The following CCDC191 variants were observed in gnomAD, a reference collection of about 807,000 sequenced individuals.
CCDC191 encodes coiled-coil domain-containing protein 191.
Under a neutral mutation model 114.0 loss-of-function variants are expected in CCDC191, and 99 were observed. The ratio of observed to expected loss-of-function variants is 0.87; its 90% confidence interval spans 0.74 to 1.03. The LOEUF (loss-of-function observed/expected upper bound fraction) is 1.03, where lower values mean the gene tolerates loss of function less well. CCDC191 is among the 50% of genes least tolerant of loss of function. CCDC191 has a pLI of 0.00. For missense variants in CCDC191, 973 were observed against 1,087.0 expected, an observed-to-expected ratio of 0.90 and a Z score of 1.47; for synonymous variants, 351 against 376.0, an observed-to-expected ratio of 0.93 and a Z score of 0.77.
intron 6 of CCDC191, among the ~76,000 whole-genome samples, chr3:114,033,077 T>C (rs1349412824): frequency 1.3e-5 from 2 of 149,604 alleles, no homozygotes; most frequent in Non-Finnish European, 2.9e-5. Context: ...ATAAAAGTCA[T>C]CCATATTTCT....
Position 114,046,585 on chromosome 3 carries a change from T to C in CCDC191, c.271+6A>G, listed in dbSNP as rs1159264299. 1 of 1,520,370 alleles carries C rather than the reference T, an allele frequency of 6.6e-7. No homozygotes were observed. The highest frequency in any genetic ancestry group is 1.7e-5 in the Admixed American group (1 of 59,800). The allele number at this position is 1,520,370 out of a possible 1,614,324, so 94.2% of individuals were successfully genotyped here. On this transcript the variant is annotated splice_donor_region_variant and intron_variant, in intron 3 of 16. Transcript: ENST00000295878. ...TAACATCGCAGCAGAAAATGCATTC[T>C]CTTACCTTCTGCATAGATTTCATCA...
chr3:114,003,200 T>C (rs1011851688), intron 11 of CCDC191: 4 of 985,266 alleles, frequency 4.1e-6, no homozygotes, highest in African/African-American at 1.7e-5. Flanking sequence ...ATGTGCAAGA[T>C]GGTCTGATAA....
intron 16 of CCDC191, among the ~76,000 whole-genome samples, chr3:113,977,739 G>T (rs2074979453): frequency 2.0e-5 from 3 of 152,202 alleles, no homozygotes; most frequent in African/African-American, 4.8e-5. Flanking sequence ...CTCAGTGGTG[G>T]TAACAAAGGG....
chr3:113,993,222 A>G (rs901405311), intron 13 of CCDC191, among the ~76,000 whole-genome samples: 6 of 152,168 alleles, frequency 3.9e-5, no homozygotes, highest in Non-Finnish European at 8.8e-5. Flanking sequence ...ACTTGAGCCC[A>G]GGAGTTTGAG....
At chr3:114,047,000 A>G in intron 2 of CCDC191, 1 of 960,668 alleles carries the variant, frequency 1.0e-6, no homozygotes, top group Non-Finnish European at 1.2e-6. Context: ...TAAGATTTAG[A>G]TAACTTTTGT....
At chr3:113,996,801 C>T (rs2075733365) in intron 13 of CCDC191, among the ~76,000 whole-genome samples, 2 of 138,156 alleles carry the variant, frequency 1.4e-5, no homozygotes, top group African/African-American at 2.7e-5. Context: ...TGTTCTCACT[C>T]ATAAGTGGGA....
At chr3:114,001,382 G>A (rs956413596) in intron 13 of CCDC191, among the ~76,000 whole-genome samples, 1 of 152,144 alleles carries the variant, frequency 6.6e-6, no homozygotes, top group African/African-American at 2.4e-5. Context: ...GAGGAGGGTG[G>A]GCAGGGCAGG....
rs148751879 is a variant in CCDC191, at chr3:114,055,412, C to A, written c.90+965G>T. On this transcript the variant is annotated intron_variant, in intron 1 of 16. Coordinates refer to ENST00000295878, the MANE Select transcript of CCDC191 (RefSeq NM_020817.2). ...ATAGCAGCAGCCTCAGTTTCCAAGT[C>A]TCCCTGATGCTTCAGTCTGTGCCCT... Among the ~76,000 whole-genome samples the A allele has an allele frequency of 5.8e-4, 88 of 152,236 alleles. 3 individuals are homozygous for A. Among genetic ancestry groups the A allele is most frequent in the Non-Finnish European group, 1.3e-4 (9 of 68,046 alleles).
At chr3:114,021,545 T>A (rs1003586805) in intron 7 of CCDC191, among the ~76,000 whole-genome samples, 7 of 152,116 alleles carry the variant, frequency 4.6e-5, no homozygotes, top group African/African-American at 1.7e-4. Context: ...GTCCCATAAA[T>A]GTGTTCGAAG....
chr3:114,039,208 T>C (rs1487303049), intron 4 of CCDC191, among the ~76,000 whole-genome samples: 4 of 151,952 alleles, frequency 2.6e-5, no homozygotes, highest in African/African-American at 4.8e-5. Context: ...TTCCTACTTA[T>C]TAGAAAAAAA....
At chr3:114,042,984 G>A in intron 3 of CCDC191, 138 bp from the exon 4 acceptor site, 3 of 702,542 alleles carry the variant, frequency 4.3e-6, no homozygotes, top group Non-Finnish European at 6.6e-6. Flanking sequence ...ATACAACAGT[G>A]AACAAAACTG....
intron 13 of CCDC191, among the ~76,000 whole-genome samples, chr3:113,983,571 A>C (rs1375717699): frequency 1.3e-5 from 2 of 151,926 alleles, no homozygotes; most frequent in Non-Finnish European, 2.9e-5. Flanking sequence ...TCCACCAACT[A>C]TACCACTCTC....
intron 14 of CCDC191, among the ~76,000 whole-genome samples, chr3:113,979,418 A>T (rs1431428923): frequency 6.6e-6 from 1 of 152,228 alleles, no homozygotes; most frequent in African/African-American, 2.4e-5. Flanking sequence ...GGAAATGCCA[A>T]TACTTTCAAT....
At chr3:114,025,774 T>TCTTCCCCATC (rs1408317769) in intron 7 of CCDC191, among the ~76,000 whole-genome samples, 1 of 152,190 alleles carries the variant, frequency 6.6e-6, no homozygotes, top group East Asian at 1.9e-4. Flanking sequence ...TTAGAGACCT[T>TCTTCCCCATC]CTTCCCCATC....
In CCDC191 at chr3:114,042,589, T is replaced by TA. The variant is rs199565133; in HGVS notation, c.415+113dup. On this transcript the variant is annotated intron_variant, in intron 4 of 16. Coordinates refer to ENST00000295878, the MANE Select transcript of CCDC191 (RefSeq NM_020817.2). The stretch of plus-strand genomic sequence containing the variant: ...ATAAATTAAAACCAATAATAAAAAC[T>TA]AAAAAAAACACAGAAAACTTAAATA... 7,867 of 818,310 alleles carry TA rather than the reference T, an allele frequency of 9.6e-3. 57 individuals are homozygous for TA. Among genetic ancestry groups the TA allele is most frequent in the Non-Finnish European group, 0.012 (6,756 of 567,122 alleles). The allele number at this position is 818,310 out of a possible 1,614,324, so 50.7% of individuals were successfully genotyped here.
rs776038549 is a variant in CCDC191, at chr3:114,056,524, G to T, written c.-58C>A. 6.2e-7 allele frequency: 1 copy of T among 1,612,360 alleles called. No individual in the cohort carries two copies. The highest frequency in any genetic ancestry group is 1.3e-5 in the African/African-American group (1 of 75,034). Reference sequence around the variant, plus strand: ...CTGCAGCAACCGCCCTTCTGCCCGGGCTGCCTCCGGGTCACGCTGGGAATT... The same window carrying T: ...CTGCAGCAACCGCCCTTCTGCCCGGTCTGCCTCCGGGTCACGCTGGGAATT... On this transcript the variant is annotated 5_prime_UTR_variant, in exon 1 of 17. Coordinates refer to ENST00000295878, the MANE Select transcript of CCDC191 (RefSeq NM_020817.2).
intron 9 of CCDC191, among the ~76,000 whole-genome samples, chr3:114,007,900 T>C (rs2075998386): frequency 6.6e-6 from 1 of 151,790 alleles, no homozygotes; most frequent in Non-Finnish European, 1.5e-5. Flanking sequence ...TTACTTAGTC[T>C]CTACAGGGTC....
intron 7 of CCDC191, among the ~76,000 whole-genome samples, chr3:114,028,078 G>A (rs143785319): frequency 1.3e-4 from 20 of 152,154 alleles, no homozygotes; most frequent in Middle Eastern, 3.4e-3. Context: ...AAAATCTAGA[G>A]ATCTACTAAC....
At position 114,056,416 on chromosome 3, in the gene CCDC191, C is replaced by T. The variant is rs1293741748; in HGVS notation, c.51G>A (p.Leu17=). Residue 17 remains leucine (L), a synonymous_variant, in exon 1 of 17, where the codon CTG becomes CTA. Transcript: ENST00000295878. The part of the protein sequence containing the change: ...GRSFSKKRMG[L]NRWKRFTRKP... The stretch of plus-strand genomic sequence containing the variant: ...TCCTTGTGAACCGTTTCCAGCGATT[C>T]AGCCCCATCCTTTTCTTTGAGAAGG... 1 of 1,614,190 alleles carries T rather than the reference C, an allele frequency of 6.2e-7. No individual in the cohort carries two copies. The highest frequency in any genetic ancestry group is 1.7e-5 in the Admixed American group (1 of 60,022).
Sources: allele counts gnomAD v4.1 joint callset (sites outside exome capture counted in the v4.1 genomes callset), GRCh38; gene constraint gnomAD v4.1.1; transcripts MANE v1.5; gene names NCBI Gene and HGNC (gene_info 2026-07-23, HGNC 2026-07-21).